PCDHA8: variants seen among roughly 807,000 people sequenced by gnomAD.
PCDHA8 encodes the protein protocadherin alpha-8.
In PCDHA8, 53 loss-of-function variants were observed where a neutral mutation model predicts 61.8. The observed-to-expected ratio is 0.86, with a 90% confidence interval of 0.69 to 1.08. The LOEUF (loss-of-function observed/expected upper bound fraction) is 1.08. PCDHA8 is among the 50% of genes least tolerant of loss of function. PCDHA8 has a pLI of 0.00. For missense variants in PCDHA8, 1,293 were observed against 1,245.0 expected (o/e 1.04, Z -0.58); for synonymous variants, 618 against 556.6 (o/e 1.11, Z -1.55).
intron 1 of PCDHA8, chr5:140,870,528 A>G (rs556976390): frequency 3.1e-6 from 5 of 1,614,214 alleles, no homozygotes; most frequent in African/African-American, 2.7e-5. Context: ...ACATCTTCAC[A>G]GTGTCGGCGC....
intron 1 of PCDHA8, among the ~76,000 whole-genome samples, chr5:140,945,918 C>T (rs782600130): frequency 1.2e-4 from 18 of 152,106 alleles, no homozygotes; most frequent in Admixed American, 2.6e-4. Context: ...ATCAATAACA[C>T]TGATCTGAGC....
intron 1 of PCDHA8, among the ~76,000 whole-genome samples, chr5:140,934,224 AT>A: frequency 6.6e-6 from 1 of 152,246 alleles, no homozygotes. Context: ...TGTTTAAAAG[AT>A]TTGTACTTAA....
intron 1 of PCDHA8, among the ~76,000 whole-genome samples, chr5:140,872,240 T>A (rs2053559781): frequency 6.6e-6 from 1 of 152,178 alleles, no homozygotes; most frequent in Non-Finnish European, 1.5e-5. Flanking sequence ...TTGTCTTTAT[T>A]CCTGTGATAA....
intron 1 of PCDHA8, chr5:140,870,427 G>T: frequency 1.9e-6 from 3 of 1,614,220 alleles, no homozygotes; most frequent in Non-Finnish European, 2.5e-6. Context: ...CAGGGTATCC[G>T]TGGAGGTGGC....
intron 1 of PCDHA8, chr5:140,927,658 C>T (rs782350503): frequency 5.0e-6 from 8 of 1,614,094 alleles, no homozygotes; most frequent in Non-Finnish European, 6.8e-6. Context: ...ATTCCGAGTT[C>T]AAGCCTTGGA....
chr5:140,984,086 A>C (rs187283969), intron 3 of PCDHA8, among the ~76,000 whole-genome samples: 1 of 152,356 alleles, frequency 6.6e-6, no homozygotes, highest in Admixed American at 6.5e-5. Flanking sequence ...GGAGTGAAGA[A>C]ATGATGGAGG....
At chr5:140,928,718 T>C in intron 1 of PCDHA8, 1 of 1,614,174 alleles carries the variant, frequency 6.2e-7, no homozygotes, top group East Asian at 2.2e-5. Context: ...TCTAGTCTCT[T>C]TAGAATTTCA....
intron 1 of PCDHA8, chr5:140,850,534 C>A: frequency 6.3e-7 from 1 of 1,598,276 alleles, no homozygotes; most frequent in Non-Finnish European, 8.6e-7. Flanking sequence ...AAGTCATCGT[C>A]GCGGGCGTCA....
chr5:140,858,809 A>G (rs2045602165), intron 1 of PCDHA8: 1 of 352,582 alleles, frequency 2.8e-6, no homozygotes, highest in African/African-American at 2.2e-5. Flanking sequence ...CTAAATTTTG[A>G]TTTGATTGTA....
At chr5:140,913,867 T>G (rs1554196087) in intron 1 of PCDHA8, among the ~76,000 whole-genome samples, 2 of 152,234 alleles carry the variant, frequency 1.3e-5, no homozygotes. Flanking sequence ...TTGTTTAATT[T>G]CCATGTGTTC....
intron 1 of PCDHA8, chr5:140,883,158 C>A: frequency 2.5e-6 from 4 of 1,613,710 alleles, no homozygotes; most frequent in Non-Finnish European, 3.4e-6. Flanking sequence ...ACCATAAATC[C>A]GAACAATGGA....
At chr5:140,956,665 G>A (rs1336658976) in intron 1 of PCDHA8, among the ~76,000 whole-genome samples, 3 of 152,004 alleles carry the variant, frequency 2.0e-5, no homozygotes, top group African/African-American at 7.2e-5. Context: ...TGGCCTTAAA[G>A]GAGTTAGGGA....
chr5:140,973,554 C>T (rs897513375), intron 1 of PCDHA8, among the ~76,000 whole-genome samples: 3 of 152,316 alleles, frequency 2.0e-5, no homozygotes, highest in Admixed American at 6.5e-5. Flanking sequence ...TTTCAATTAC[C>T]TCTTTCCTCA....
intron 1 of PCDHA8, among the ~76,000 whole-genome samples, chr5:140,874,298 G>T (rs887601408): frequency 1.3e-5 from 2 of 152,114 alleles, no homozygotes; most frequent in African/African-American, 2.4e-5. Context: ...ATGTGTACTT[G>T]TTCACAATGA....
chr5:140,849,565 T>C (rs2040964471), intron 1 of PCDHA8: 4 of 1,598,566 alleles, frequency 2.5e-6, no homozygotes, highest in South Asian at 2.2e-5. Context: ...ACGCTCTCGG[T>C]TCCTGTAAAA....
chr5:140,850,309 C>T lies in PCDHA8; in HGVS notation c.2394+6594C>T, dbSNP rs2150478880. The stretch of plus-strand genomic sequence containing the variant: ...GTGGACGCCGACTCGGGCTACAACG[C>T]GTGGCTTTCATACGAGCTGCAGCCA... On this transcript the variant is annotated intron_variant, in intron 1 of 3. Coordinates refer to ENST00000531613, the MANE Select transcript of PCDHA8 (RefSeq NM_018911.3). 1.7e-5 allele frequency: 27 copies of T among 1,597,088 alleles called. 3 individuals carry two copies. Among genetic ancestry groups the T allele is most frequent in the Non-Finnish European group, 2.3e-5 (27 of 1,167,652 alleles).
Position 140,841,809 on chromosome 5 carries a change from G to T in PCDHA8, c.488G>T (p.Gly163Val). 6.2e-7 allele frequency: 1 copy of T among 1,613,904 alleles called. No individual in the cohort carries two copies. ...GAGGGCGCGTCCGATGCAGATGTTG[G>T]AGCTAACTCCGTGTTAACCTACAGG... is the stretch of plus-strand genomic sequence containing the variant. ...PLEGASDADV[G>V]ANSVLTYRLS... The change falls in exon 1 of 4, where the codon GGA becomes GTA. Residue 163 changes from glycine to valine, a missense_variant. Transcript: ENST00000531613.
intron 1 of PCDHA8, among the ~76,000 whole-genome samples, chr5:140,880,055 C>G (rs1024788960): frequency 1.3e-5 from 2 of 152,146 alleles, no homozygotes; most frequent in Admixed American, 6.5e-5. Flanking sequence ...GTGGGCATAA[C>G]TTTTTGGGGA....
intron 1 of PCDHA8, chr5:140,875,534 T>G (rs114654172): frequency 0.025 from 39,957 of 1,614,138 alleles, 601 homozygotes; most frequent in Non-Finnish European, 0.03. Flanking sequence ...CTTCTGCTCC[T>G]TGCAGCCTGG....
Sources: allele counts gnomAD v4.1 joint callset (sites outside exome capture counted in the v4.1 genomes callset), GRCh38; gene constraint gnomAD v4.1.1; transcripts MANE v1.5; gene names NCBI Gene and HGNC (gene_info 2026-07-23, HGNC 2026-07-21).